Variants in FGF14 observed in about 807,000 individuals in gnomAD.
The protein encoded by FGF14 is fibroblast growth factor 14, also known as fibroblast growth factor homologous factor 4.
FGF14 carries 5 observed loss-of-function variants against 25.5 expected under a neutral mutation model. The ratio of observed to expected loss-of-function variants is 0.20; its 90% confidence interval spans 0.10 to 0.41. The LOEUF is 0.41. Ranked by LOEUF, FGF14 falls within the 10% of genes least tolerant of loss-of-function variation. The pLI, the probability that FGF14 is intolerant of heterozygous loss-of-function variation, is 1.00. For synonymous variants in FGF14, 138 were observed against 118.3 expected (o/e 1.17, Z -1.08); for missense variants, 222 against 320.1 (o/e 0.69, Z 2.34).
chr13:101,869,978 T>TC (rs2044959092), intron 2 of FGF14, among the ~76,000 whole-genome samples: 1 of 152,138 alleles, frequency 6.6e-6, no homozygotes, highest in African/African-American at 2.4e-5. Flanking sequence ...GTTTTCAAGA[T>TC]CCCAAGATGT....
chr13:102,219,815 T>C (rs962605204), intron 1 of FGF14, among the ~76,000 whole-genome samples: 5 of 152,176 alleles, frequency 3.3e-5, no homozygotes, highest in Admixed American at 2.0e-4. Context: ...TCAAGAAATA[T>C]GTATTTGTGA....
At chr13:101,761,358 T>C (rs1408438716) in intron 3 of FGF14, among the ~76,000 whole-genome samples, 1 of 152,112 alleles carries the variant, frequency 6.6e-6, no homozygotes, top group Non-Finnish European at 1.5e-5. Context: ...AAAACTCAGA[T>C]GAGAAAGTTA....
intron 1 of FGF14, among the ~76,000 whole-genome samples, chr13:102,171,801 C>T (rs906698623): frequency 6.6e-6 from 1 of 151,712 alleles, no homozygotes; most frequent in Middle Eastern, 3.2e-3. Context: ...AGAAACACTA[C>T]AAGATACCAA....
chr13:101,902,112 T>C (rs1230044951), intron 1 of FGF14, among the ~76,000 whole-genome samples: 4 of 152,180 alleles, frequency 2.6e-5, no homozygotes, highest in African/African-American at 9.7e-5. Flanking sequence ...AGCAACATTC[T>C]TAGATTATTC....
intron 1 of FGF14, among the ~76,000 whole-genome samples, chr13:102,295,997 G>A (rs756598190): frequency 2.0e-5 from 3 of 152,116 alleles, no homozygotes; most frequent in Non-Finnish European, 4.4e-5. Context: ...GACCTCAGTC[G>A]TGTTGCTCCT....
Position 101,722,776 on chromosome 13 carries a change from T to C in FGF14, c.*55A>G. 2 of 1,607,988 alleles carry C rather than the reference T, an allele frequency of 1.2e-6. No homozygotes were observed. The highest frequency in any genetic ancestry group is 1.7e-5 in the Admixed American group (1 of 59,840). ...ACGGAGCAGGAATGTCTGGTGAGGA[T>C]AAATCACTCAACTGTGCTCAGGACG... On this transcript the variant is annotated 3_prime_UTR_variant, in exon 5 of 5. Coordinates refer to ENST00000376143, the MANE Select transcript of FGF14 (RefSeq NM_004115.4).
chr13:102,095,046 T>C (rs1031366516), intron 1 of FGF14, among the ~76,000 whole-genome samples: 3 of 152,140 alleles, frequency 2.0e-5, no homozygotes, highest in Non-Finnish European at 4.4e-5. Flanking sequence ...GGAAGGATCA[T>C]ACCATTGGAG....
chr13:101,723,225 G>GT (rs1190012639), intron 4 of FGF14: 21 of 476,664 alleles, frequency 4.4e-5, no homozygotes, highest in Non-Finnish European at 6.6e-5. Context: ...AGGACAGCAG[G>GT]TTTAAATGGG....
chr13:102,174,335 T>C (rs2048360389), intron 1 of FGF14, among the ~76,000 whole-genome samples: 1 of 151,440 alleles, frequency 6.6e-6, no homozygotes, highest in Admixed American at 6.6e-5. Context: ...TTTTTTTTAT[T>C]TTTGTATTTT....
chr13:102,039,488 C>A (rs1330689038), intron 1 of FGF14, among the ~76,000 whole-genome samples: 1 of 152,136 alleles, frequency 6.6e-6, no homozygotes, highest in Non-Finnish European at 1.5e-5. Flanking sequence ...AGGGAGAATC[C>A]ATCCCATGGC....
Position 101,714,458 on chromosome 13 carries a change from T to C in FGF14, c.*8373A>G, listed in dbSNP as rs1005788152. 2.5e-6 allele frequency: 4 copies of C among 1,608,388 alleles called. No homozygotes were observed. The highest frequency in any genetic ancestry group is 3.4e-6 in the Non-Finnish European group (4 of 1,174,830). ...TTCAGGTTCTTGTCATTGTGGGAAGTGCATTTGTTCTGCTGAAGAGTGGTA... is the reference window on the plus strand; with the variant it reads ...TTCAGGTTCTTGTCATTGTGGGAAGCGCATTTGTTCTGCTGAAGAGTGGTA... On this transcript the variant is annotated 3_prime_UTR_variant, in exon 5 of 5. Coordinates refer to ENST00000376143, the MANE Select transcript of FGF14 (RefSeq NM_004115.4).
chr13:101,824,963 G>T lies in FGF14; in HGVS notation c.408+43762C>A, dbSNP rs150340406. 1.5e-3 allele frequency among the ~76,000 whole-genome samples: 235 copies of T among 152,288 alleles called. 4 individuals carry two copies. The East Asian group carries it at 0.04, about 26-fold the overall frequency. On this transcript the variant is annotated intron_variant, in intron 3 of 4. Coordinates refer to ENST00000376143, the MANE Select transcript of FGF14 (RefSeq NM_004115.4). The stretch of plus-strand genomic sequence containing the variant: ...ACAGGGACAGAAGCTCCTGCACTTG[G>T]ATGCCTTCTGAACCTCACCTTATGT...
intron 1 of FGF14, among the ~76,000 whole-genome samples, chr13:101,957,944 C>A (rs1011290453): frequency 3.3e-5 from 5 of 151,676 alleles, no homozygotes. Flanking sequence ...CAAATGGGTC[C>A]AAAATAATGA....
At chr13:101,797,945 A>G (rs1217485286) in intron 3 of FGF14, among the ~76,000 whole-genome samples, 1 of 152,112 alleles carries the variant, frequency 6.6e-6, no homozygotes, top group African/African-American at 2.4e-5. Context: ...AACAACAAAG[A>G]ATTTGGAAAA....
intron 1 of FGF14, among the ~76,000 whole-genome samples, chr13:102,128,666 G>A (rs1282809783): frequency 6.6e-6 from 1 of 152,152 alleles, no homozygotes; most frequent in Admixed American, 6.5e-5. Flanking sequence ...GCTCATTCTA[G>A]GTCACTGGCA....
intron 1 of FGF14, among the ~76,000 whole-genome samples, chr13:102,195,829 A>T (rs1398672177): frequency 6.6e-6 from 1 of 151,602 alleles, no homozygotes; most frequent in African/African-American, 2.4e-5. Flanking sequence ...AAACAACAGT[A>T]AAAAAAACCC....
chr13:102,186,416 A>G (rs1397341653), intron 1 of FGF14, among the ~76,000 whole-genome samples: 1 of 152,180 alleles, frequency 6.6e-6, no homozygotes, highest in Non-Finnish European at 1.5e-5. Flanking sequence ...GCCACTAGGT[A>G]TAATCTGCCT....
rs369445613 is a variant in FGF14 at position 101,852,915 on chromosome 13, G to A, written c.408+15810C>T. ...GGTCACTATTTAAATACCAGCAATT[G>A]AAGCAAATTCCACCCTAAATCAATG... On this transcript the variant is annotated intron_variant, in intron 3 of 4. Coordinates refer to ENST00000376143, the MANE Select transcript of FGF14 (RefSeq NM_004115.4). Among the ~76,000 whole-genome samples the A allele has an allele frequency of 4.6e-5, 7 of 152,210 alleles. No homozygotes were observed. In the East Asian group the frequency reaches 7.7e-4, roughly 17 times the overall value.
intron 1 of FGF14, among the ~76,000 whole-genome samples, chr13:102,347,819 C>G (rs143409212): frequency 2.5e-3 from 387 of 152,170 alleles, no homozygotes; most frequent in African/African-American, 8.7e-3. Context: ...TCATATGATT[C>G]TGTTTTGTCA....
Sources: gnomAD v4.1 joint callset for allele counts (sites outside exome capture counted in the v4.1 genomes callset) on GRCh38, gnomAD v4.1.1 for gene constraint, MANE v1.5 for transcripts, NCBI Gene and HGNC (gene_info 2026-07-23, HGNC 2026-07-21) for gene names.